Variants in NPHP1 observed in about 807,000 individuals in gnomAD.
NPHP1 encodes nephrocystin 1.
In NPHP1, 70 loss-of-function variants were observed where a neutral mutation model predicts 90.4. The ratio of observed to expected loss-of-function variants is 0.77; its 90% CI spans 0.64 to 0.95. The LOEUF is 0.95. Ranked by LOEUF, NPHP1 falls within the 40% of genes least tolerant of loss-of-function variation. The pLI, the probability that NPHP1 is intolerant of heterozygous loss-of-function variation, is 0.00. For missense variants in NPHP1, 764 were observed against 795.9 expected (o/e 0.96, Z 0.48); for synonymous variants, 256 against 271.7 (o/e 0.94, Z 0.57).
chr2:110,135,529 A>G (rs1353922030), intron 16 of NPHP1, among the ~76,000 whole-genome samples: 1 of 150,908 alleles, frequency 6.6e-6, no homozygotes, highest in Non-Finnish European at 1.5e-5. Flanking sequence ...ACCCTCACAC[A>G]TGATGTATAG....
At chr2:110,199,425 C>G (rs978144507) in intron 2 of NPHP1, among the ~76,000 whole-genome samples, 2 of 148,960 alleles carry the variant, frequency 1.3e-5, no homozygotes, top group Non-Finnish European at 3.0e-5. Flanking sequence ...AAAAAAAAAA[C>G]CAATATGACT....
In NPHP1 at chr2:110,172,738, T is replaced by C. The variant is rs142491109; in HGVS notation, c.330-2740A>G. Among the ~76,000 whole-genome samples the C allele has an allele frequency of 1.9e-3, 290 of 152,140 alleles. 1 individual carries two copies. Among genetic ancestry groups the C allele is most frequent in the African/African-American group, 6.8e-3 (283 of 41,532 alleles). On this transcript the variant is annotated intron_variant, in intron 4 of 19. Coordinates refer to ENST00000445609, the MANE Select transcript of NPHP1 (RefSeq NM_001128178.3). ...GGTGGACGTTGCAGTGAGCCAAGAT[T>C]GCACCACTATACCCAGTCTGGGTAA...
At chr2:110,196,683 T>C (rs1685190100) in intron 2 of NPHP1, among the ~76,000 whole-genome samples, 1 of 152,180 alleles carries the variant, frequency 6.6e-6, no homozygotes, top group Admixed American at 6.5e-5. Flanking sequence ...TAAATCATGC[T>C]GCTATAAAGA....
chr2:110,151,515 A>G (rs1291991095), intron 11 of NPHP1, among the ~76,000 whole-genome samples: 2 of 152,146 alleles, frequency 1.3e-5, no homozygotes. Context: ...TTCCAAAACA[A>G]AGCTTTAAAA....
At chr2:110,169,272 T>C (rs1394621851) in intron 5 of NPHP1, among the ~76,000 whole-genome samples, 2 of 152,168 alleles carry the variant, frequency 1.3e-5, no homozygotes, top group Admixed American at 1.3e-4. Context: ...TGAAGTTTAA[T>C]ATAAGAACTA....
intron 2 of NPHP1, among the ~76,000 whole-genome samples, chr2:110,188,067 T>C (rs2104653689): frequency 6.6e-6 from 1 of 152,292 alleles, no homozygotes. Flanking sequence ...TCATACTGAA[T>C]GGGCAAATGC....
At chr2:110,200,481 T>G (rs1685499716) in intron 2 of NPHP1, among the ~76,000 whole-genome samples, 1 of 151,784 alleles carries the variant, frequency 6.6e-6, no homozygotes, top group South Asian at 2.1e-4. Flanking sequence ...AAGAATCGCT[T>G]GAACCTGGGA....
chr2:110,198,285 A>G (rs1685306423), intron 2 of NPHP1, among the ~76,000 whole-genome samples: 1 of 152,194 alleles, frequency 6.6e-6, no homozygotes, highest in Admixed American at 6.5e-5. Context: ...ATAGAGGGAC[A>G]CATTATGAAA....
intron 5 of NPHP1, among the ~76,000 whole-genome samples, chr2:110,169,419 T>C (rs770845717): frequency 9.9e-5 from 15 of 152,130 alleles, no homozygotes; most frequent in Non-Finnish European, 1.9e-4. Flanking sequence ...CAACCAAGCA[T>C]GGATGTAAGC....
intron 2 of NPHP1, among the ~76,000 whole-genome samples, chr2:110,195,184 AG>A (rs2104688430): frequency 6.6e-6 from 1 of 152,214 alleles, no homozygotes; most frequent in African/African-American, 2.4e-5. Flanking sequence ...AAGGAAATAA[AG>A]GGTATTCAAT....
At chr2:110,171,805 CT>C (rs1483858031) in intron 4 of NPHP1, among the ~76,000 whole-genome samples, 1 of 152,086 alleles carries the variant, frequency 6.6e-6, no homozygotes, top group Non-Finnish European at 1.5e-5. Flanking sequence ...TGAAATGCCT[CT>C]AGATTTTACT....
At chr2:110,197,914 A>G (rs1265772712) in intron 2 of NPHP1, among the ~76,000 whole-genome samples, 5 of 152,174 alleles carry the variant, frequency 3.3e-5, no homozygotes, top group African/African-American at 1.2e-4. Flanking sequence ...ACTTATTACA[A>G]TTACCTCCTT....
chr2:110,153,511 A>T (rs1180818868), intron 11 of NPHP1, among the ~76,000 whole-genome samples: 1 of 152,206 alleles, frequency 6.6e-6, no homozygotes, highest in Non-Finnish European at 1.5e-5. Flanking sequence ...AGCTAGGGAA[A>T]GTAAAGAACT....
intron 16 of NPHP1, among the ~76,000 whole-genome samples, chr2:110,135,099 A>G (rs145431039): frequency 6.6e-6 from 1 of 152,318 alleles, no homozygotes; most frequent in East Asian, 1.9e-4. Flanking sequence ...GCAAAGTTGC[A>G]GAATACAAAA....
At chr2:110,157,224 T>A (rs1681969658) in intron 11 of NPHP1, among the ~76,000 whole-genome samples, 1 of 152,028 alleles carries the variant, frequency 6.6e-6, no homozygotes, top group Non-Finnish European at 1.5e-5. Flanking sequence ...AATTTCATTA[T>A]TTTGATATAT....
At chr2:110,126,465 G>A (rs543561144) in intron 18 of NPHP1, 4 of 152,398 alleles carry the variant, frequency 2.6e-5, no homozygotes, top group East Asian at 1.9e-4. Flanking sequence ...TTGATAGAGC[G>A]TTTCTCAGCA....
In NPHP1 at chr2:110,187,399, A is replaced by G. The variant is rs542585021; in HGVS notation, c.144-7715T>C. On this transcript the variant is annotated intron_variant, in intron 2 of 19. Transcript: ENST00000445609. ...GAATACTATAAACACCTCTATGCAC[A>G]TGAACTAGAAAATCTAGAAGAAATG... Among the ~76,000 whole-genome samples, 12 of 152,310 alleles carry G rather than the reference A, an allele frequency of 7.9e-5. No individual in the cohort carries two copies. The East Asian group carries it at 2.3e-3, about 29-fold the overall frequency.
At chr2:110,142,929 A>G (rs751934479) in intron 16 of NPHP1, among the ~76,000 whole-genome samples, 1 of 152,192 alleles carries the variant, frequency 6.6e-6, no homozygotes, top group Non-Finnish European at 1.5e-5. Flanking sequence ...ATGCAATGGC[A>G]TGGGTAAGTC....
At chr2:110,129,078 G>T in intron 18 of NPHP1, 108 bp downstream of exon 18, 1 of 753,844 alleles carries the variant, frequency 1.3e-6, no homozygotes. Context: ...GGGATTGGGA[G>T]ACATCATCCT....
Sources: allele counts gnomAD v4.1 joint callset (sites outside exome capture counted in the v4.1 genomes callset), GRCh38; gene constraint gnomAD v4.1.1; transcripts MANE v1.5; gene names NCBI Gene and HGNC (gene_info 2026-07-23, HGNC 2026-07-21).